The following MME variants were observed in gnomAD, a reference collection of about 807,000 sequenced individuals.
The protein encoded by MME is membrane metalloendopeptidase, also known as neprilysin.
MME carries 98 observed loss-of-function variants against 113.2 expected under a neutral mutation model. The observed-to-expected ratio is 0.87, with a 90% CI of 0.74 to 1.02. The LOEUF (loss-of-function observed/expected upper bound fraction) is 1.02. MME is among the 50% of genes least tolerant of loss of function. The pLI is 0.00. For missense variants in MME, 836 were observed against 896.0 expected (o/e 0.93, Z 0.86); for synonymous variants, 292 against 300.6 (o/e 0.97, Z 0.30).
At chr3:155,075,894 G>C (rs1714732599), upstream of MME, among the ~76,000 whole-genome samples, 1 of 152,112 alleles carries the variant, frequency 6.6e-6, no homozygotes, top group Admixed American at 6.5e-5. Flanking sequence ...TGGTTTTTTA[G>C]TTGATCTTTT....
intron 8 of MME, among the ~76,000 whole-genome samples, chr3:155,129,617 TAACA>T (rs1367245226): frequency 6.6e-6 from 1 of 152,204 alleles, no homozygotes; most frequent in Non-Finnish European, 1.5e-5. Context: ...CTGCTCTTCC[TAACA>T]AACTGTTCTC....
chr3:155,159,229 C>G (rs1237978970), intron 16 of MME, among the ~76,000 whole-genome samples: 1 of 152,006 alleles, frequency 6.6e-6, no homozygotes, highest in Admixed American at 6.6e-5. Flanking sequence ...TACAGCTCAC[C>G]TGGCAGAGCA....
chr3:155,116,352 A>T lies in MME; in HGVS notation c.359-127A>T, dbSNP rs191913757. On this transcript the variant is annotated intron_variant, in intron 4 of 22. Coordinates refer to ENST00000360490, the MANE Select transcript of MME (RefSeq NM_007289.4). ...GGGGGGAGGAAATGAATGTACCTCC[A>T]GAAAAGCAAGGTTTTTTTTTAACTG... The T allele has an allele frequency of 4.0e-5, 30 of 746,404 alleles. No individual in the cohort carries two copies. In the East Asian group the frequency reaches 7.1e-4, roughly 18 times the overall value. The allele number at this position is 746,404 out of a possible 1,614,324, so 46.2% of individuals were successfully genotyped here. A position where few individuals can be genotyped will look rare whatever the true frequency, so the allele number is the denominator to read the frequency against.
Position 155,042,182 on chromosome 3 carries a change from T to C in MME, c.-11+17858T>C, listed in dbSNP as rs566454849. On this transcript the variant is annotated intron_variant, in intron 1 of 22. Transcript: ENST00000492661. ...AGGAACTCAGAGTTTTCCCAATGCC[T>C]CTTTCAAATTTTCACATTGTGTAGA... Among the ~76,000 whole-genome samples, 6 of 152,280 alleles carry C rather than the reference T, an allele frequency of 3.9e-5. No homozygotes were observed. The South Asian group carries it at 1.2e-3, about 32-fold the overall frequency.
At chr3:155,084,885 A>AT (rs1715526611) in intron 2 of MME, among the ~76,000 whole-genome samples, 174 bp from the exon 3 acceptor site, 2 of 152,240 alleles carry the variant, frequency 1.3e-5, no homozygotes, top group South Asian at 4.1e-4. Flanking sequence ...GATTTTACTT[A>AT]TTTTATTTTC....
At chr3:155,074,524 C>G (rs187991372) in intron 1 of MME, among the ~76,000 whole-genome samples, 2 of 152,052 alleles carry the variant, frequency 1.3e-5, no homozygotes, top group African/African-American at 4.8e-5. Flanking sequence ...CTCCGCTTCC[C>G]ACATTCAAGC....
intron 3 of MME, among the ~76,000 whole-genome samples, chr3:155,099,318 A>C (rs949148838): frequency 6.6e-6 from 1 of 152,130 alleles, no homozygotes; most frequent in Admixed American, 6.5e-5. Flanking sequence ...CTAGATAAAA[A>C]CTCAAAATGA....
chr3:155,092,457 T>G (rs1716376080), intron 3 of MME, among the ~76,000 whole-genome samples: 3 of 152,224 alleles, frequency 2.0e-5, no homozygotes, highest in South Asian at 4.1e-4. Context: ...TTACAAAATG[T>G]TAAATATATA....
intron 1 of MME, among the ~76,000 whole-genome samples, chr3:155,061,432 CAG>C (rs1687050964): frequency 8.2e-6 from 1 of 121,720 alleles, no homozygotes; most frequent in Non-Finnish European, 1.6e-5. Flanking sequence ...ACCTGGGCGA[CAG>C]AGCGAGGCTC....
intron 8 of MME, among the ~76,000 whole-genome samples, chr3:155,126,419 T>C (rs866359693): frequency 1.1e-3 from 159 of 149,006 alleles, no homozygotes; most frequent in African/African-American, 3.3e-3. Flanking sequence ...TTTTTTTTTT[T>C]CATTGTTAAG....
At chr3:155,051,724 G>A (rs1259774748) in intron 1 of MME, among the ~76,000 whole-genome samples, 1 of 152,120 alleles carries the variant, frequency 6.6e-6, no homozygotes, top group Non-Finnish European at 1.5e-5. Context: ...TGAGATTTTG[G>A]TGGGGATACA....
intron 1 of MME, among the ~76,000 whole-genome samples, chr3:155,060,860 T>TGAGA (rs200219999): frequency 8.8e-5 from 11 of 125,032 alleles, no homozygotes; most frequent in South Asian, 5.2e-4. Context: ...AGAGAGAGAG[T>TGAGA]GAGAGAGAGA....
Position 155,116,530 on chromosome 3 carries a change from A to T in MME, c.410A>T (p.Lys137Ile). Reference protein sequence around the residue: ...TEDIVAVQKAKALYRSCINES... With the variant: ...TEDIVAVQKAIALYRSCINES... ...GATATAGTAGCAGTGCAGAAAGCAA[A>T]AGCATTGTACAGGTCTTGTATAAAT... is the stretch of plus-strand genomic sequence containing the variant. The change falls in exon 5 of 23, where the codon AAA (lysine) becomes ATA (isoleucine). Residue 137 changes from lysine to isoleucine, a missense_variant. Transcript: ENST00000360490. 1.2e-6 allele frequency: 2 copies of T among 1,612,606 alleles called. No individual in the cohort carries two copies. Among genetic ancestry groups the T allele is most frequent in the Non-Finnish European group, 1.7e-6 (2 of 1,179,000 alleles).
chr3:155,078,281 T>C (rs1714838164), upstream of MME, among the ~76,000 whole-genome samples: 1 of 152,112 alleles, frequency 6.6e-6, no homozygotes, highest in African/African-American at 2.4e-5. Context: ...GCATGCTTAT[T>C]TGTGGGAGTG....
chr3:155,142,969 G>C (rs1478398118), intron 12 of MME, among the ~76,000 whole-genome samples: 2 of 152,202 alleles, frequency 1.3e-5, no homozygotes, highest in African/African-American at 2.4e-5. Flanking sequence ...ATTAAAGAAT[G>C]CAAAAATGTA....
rs552877091 is a variant in MME, at chr3:155,108,766, T to TC, written c.197-6222dup. The stretch of plus-strand genomic sequence containing the variant: ...AAAATGTAGAAATTCCTTTAAACCC[T>TC]CCCCCCTCCACCAGAAAACAAGCCT... On this transcript the variant is annotated intron_variant, in intron 3 of 22. Coordinates refer to ENST00000360490, the MANE Select transcript of MME (RefSeq NM_007289.4). Among the ~76,000 whole-genome samples, 276 of 151,912 alleles carry TC rather than the reference T, an allele frequency of 1.8e-3. 1 individual carries two copies. Among genetic ancestry groups the TC allele is most frequent in the African/African-American group, 6.0e-3 (247 of 41,434 alleles).
At chr3:155,116,634 A>G in intron 5 of MME, 30 bp from the exon 6 acceptor site, 2 of 1,580,138 alleles carry the variant, frequency 1.3e-6, no homozygotes, top group East Asian at 2.2e-5. Context: ...CTAGATTTCT[A>G]ATTGAATTTA....
chr3:155,028,908 AC>A (rs1310282669), intron 1 of MME, among the ~76,000 whole-genome samples: 1 of 152,196 alleles, frequency 6.6e-6, no homozygotes, highest in East Asian at 1.9e-4. Flanking sequence ...TTGGGGAAGT[AC>A]AGCAAATATC....
Position 155,073,724 on chromosome 3 carries a change from T to C in MME, c.-10-10434T>C, listed in dbSNP as rs371017629. On this transcript the variant is annotated intron_variant, in intron 1 of 22. Coordinates refer to the MME transcript ENST00000492661. Reference sequence around the variant, plus strand: ...TGATTTAAGTCTCTGTTGCATATTCTTTTCTTGCCTTTTTTTTTACAATGC... The same window carrying C: ...TGATTTAAGTCTCTGTTGCATATTCCTTTCTTGCCTTTTTTTTTACAATGC... 2.6e-5 allele frequency among the ~76,000 whole-genome samples: 4 copies of C among 152,276 alleles called. No homozygotes were observed. The South Asian group carries it at 8.3e-4, about 32-fold the overall frequency.
Sources: allele counts gnomAD v4.1 joint callset (sites outside exome capture counted in the v4.1 genomes callset), GRCh38; gene constraint gnomAD v4.1.1; transcripts MANE v1.5; gene names NCBI Gene and HGNC (gene_info 2026-07-23, HGNC 2026-07-21).